The following MAGI1 variants were observed in gnomAD, a reference collection of about 807,000 sequenced individuals.
MAGI1 encodes the protein membrane associated guanylate kinase, WW and PDZ domain containing 1.
A neutral mutation model predicts 139.9 loss-of-function variants in MAGI1; 58 were observed. The observed-to-expected ratio is 0.41, with a 90% CI of 0.34 to 0.52. The LOEUF is 0.52. Among genes scored for constraint, MAGI1 ranks in the 20% least tolerant of loss-of-function variants. MAGI1 has a pLI of 0.12. For missense variants in MAGI1, 1,874 were observed against 1,901.6 expected (o/e 0.99, Z 0.27); for synonymous variants, 812 against 737.9 (o/e 1.10, Z -1.63).
At chr3:65,851,862 TAA>T (rs1559942951) in intron 1 of MAGI1, among the ~76,000 whole-genome samples, 1 of 152,150 alleles carries the variant, frequency 6.6e-6, no homozygotes, top group African/African-American at 2.4e-5. Context: ...TTCAGTAATA[TAA>T]AAAAGTTTAA....
intron 12 of MAGI1, among the ~76,000 whole-genome samples, chr3:65,402,536 A>C (rs890155508): frequency 6.6e-6 from 1 of 152,228 alleles, no homozygotes; most frequent in Admixed American, 6.5e-5. Context: ...GTTAGAATGC[A>C]AAATACAGAT....
intron 1 of MAGI1, among the ~76,000 whole-genome samples, chr3:65,782,929 T>A (rs148626367): frequency 0.012 from 1,727 of 144,028 alleles, 35 homozygotes; most frequent in African/African-American, 0.041. Context: ...AAGAGAAAAA[T>A]CAATTTCATG....
chr3:65,943,368 G>A (rs1314974674), intron 1 of MAGI1, among the ~76,000 whole-genome samples: 2 of 152,118 alleles, frequency 1.3e-5, no homozygotes, highest in Admixed American at 1.3e-4. Context: ...GAGGTCAGGA[G>A]TTTGAGACCA....
chr3:65,467,945 T>C (rs1044039532), intron 5 of MAGI1, among the ~76,000 whole-genome samples: 6 of 152,216 alleles, frequency 3.9e-5, no homozygotes, highest in African/African-American at 1.4e-4. Context: ...CAGATAATGA[T>C]GATGAAAATG....
chr3:65,987,594 T>A (rs1274199898), intron 1 of MAGI1, among the ~76,000 whole-genome samples: 1 of 151,982 alleles, frequency 6.6e-6, no homozygotes, highest in Non-Finnish European at 1.5e-5. Flanking sequence ...CCTGCCTGCT[T>A]TTCTTTCCTT....
intron 2 of MAGI1, among the ~76,000 whole-genome samples, chr3:65,617,522 T>G (rs1489671500): frequency 6.6e-6 from 1 of 152,174 alleles, no homozygotes; most frequent in Non-Finnish European, 1.5e-5. Context: ...AGGCTATCAA[T>G]GCAGGAGGTA....
At chr3:65,750,695 C>G (rs2107821491) in intron 1 of MAGI1, among the ~76,000 whole-genome samples, 1 of 152,302 alleles carries the variant, frequency 6.6e-6, no homozygotes, top group East Asian at 1.9e-4. Context: ...AATCCCAAAT[C>G]TATAACATTA....
chr3:66,016,263 A>G (rs2067631275), intron 1 of MAGI1, among the ~76,000 whole-genome samples: 1 of 152,144 alleles, frequency 6.6e-6, no homozygotes, highest in Non-Finnish European at 1.5e-5. Flanking sequence ...ATTTCATTGA[A>G]TCCCTGTAGC....
intron 13 of MAGI1, among the ~76,000 whole-genome samples, chr3:65,393,870 C>G (rs375607200): frequency 6.6e-6 from 1 of 152,146 alleles, no homozygotes; most frequent in Non-Finnish European, 1.5e-5. Flanking sequence ...AGTTTCTGTT[C>G]CATTGTCTTC....
intron 1 of MAGI1, among the ~76,000 whole-genome samples, chr3:65,691,307 A>AAAAAAAAG (rs1553692072): frequency 4.5e-5 from 6 of 133,658 alleles, no homozygotes; most frequent in Non-Finnish European, 1.0e-4. Context: ...CGTCTCAAAA[A>AAAAAAAAG]AAAAAAAAGA....
At chr3:65,392,298 G>A (rs1015170619) in intron 13 of MAGI1, among the ~76,000 whole-genome samples, 8 of 152,158 alleles carry the variant, frequency 5.3e-5, no homozygotes, top group African/African-American at 1.4e-4. Context: ...GAAAATAACT[G>A]TAGTTCTTAT....
intron 3 of MAGI1, among the ~76,000 whole-genome samples, chr3:65,491,854 A>T (rs1355876397): frequency 6.6e-6 from 1 of 152,268 alleles, no homozygotes; most frequent in African/African-American, 2.4e-5. Flanking sequence ...TTCCTGATTC[A>T]TGAGCAGGAA....
chr3:65,905,989 A>G (rs935739270), intron 1 of MAGI1, among the ~76,000 whole-genome samples: 6 of 152,210 alleles, frequency 3.9e-5, no homozygotes, highest in African/African-American at 1.2e-4. Flanking sequence ...TTTATCCACA[A>G]TTAAGGCATT....
intron 1 of MAGI1, among the ~76,000 whole-genome samples, chr3:65,701,324 C>A (rs1482037541): frequency 6.6e-6 from 1 of 152,176 alleles, no homozygotes; most frequent in Non-Finnish European, 1.5e-5. Context: ...GTGATCTTGC[C>A]TTACTGCAAC....
At chr3:66,021,281 A>G (rs1192763933) in intron 1 of MAGI1, among the ~76,000 whole-genome samples, 3 of 152,242 alleles carry the variant, frequency 2.0e-5, no homozygotes, top group African/African-American at 7.2e-5. Flanking sequence ...ATCATCACAG[A>G]AAGTTCTATT....
At chr3:65,709,922 G>A (rs994772921) in intron 1 of MAGI1, among the ~76,000 whole-genome samples, 5 of 152,190 alleles carry the variant, frequency 3.3e-5, no homozygotes, top group Non-Finnish European at 7.3e-5. Context: ...AGTATCTGGT[G>A]TGAATTAAGT....
intron 1 of MAGI1, among the ~76,000 whole-genome samples, chr3:65,693,952 C>A (rs1397001164): frequency 6.6e-6 from 1 of 152,040 alleles, no homozygotes; most frequent in East Asian, 1.9e-4. Context: ...AACTCCTGAC[C>A]TCAGGTGATC....
rs764972732 is a variant in MAGI1, at chr3:66,038,189, C to G, written c.120G>C (p.Glu40Asp). Reference sequence around the variant, plus strand: ...CCGCCACCGCTCCGACGTACGGAAACTCCCCGTGCTCCGCGCCTCCCAGCA... The same window carrying G: ...CCGCCACCGCTCCGACGTACGGAAAGTCCCCGTGCTCCGCGCCTCCCAGCA... ...VTVLGGAEHG[E>D]FPYVGAVAAV... The change falls in exon 1 of 23, where the codon GAG (glutamate) becomes GAC (aspartate). Residue 40 changes from glutamate to aspartate, a missense_variant. By Grantham distance (45) the Glu-to-Asp change is conservative. Around this residue, in one of 5 missense-constraint regions of MAGI1, gnomAD observed 648 missense variants for 598.1 expected, o/e 1.08. Transcript: ENST00000402939. 6.2e-7 allele frequency: 1 copy of G among 1,612,296 alleles called. No individual in the cohort carries two copies. Among genetic ancestry groups the G allele is most frequent in the South Asian group, 1.1e-5 (1 of 91,032 alleles).
At chr3:65,392,695 A>AAG (rs1944030961) in intron 13 of MAGI1, among the ~76,000 whole-genome samples, 1 of 152,140 alleles carries the variant, frequency 6.6e-6, no homozygotes, top group Non-Finnish European at 1.5e-5. Flanking sequence ...TTTAATTCTC[A>AAG]GGTCCCTATA....
Sources: allele counts gnomAD v4.1 joint callset (sites outside exome capture counted in the v4.1 genomes callset), GRCh38; gene constraint gnomAD v4.1.1; regional missense constraint gnomAD v4.1.1; transcripts MANE v1.5; gene names NCBI Gene and HGNC (gene_info 2026-07-23, HGNC 2026-07-21).